MED12L: variants seen among roughly 807,000 people sequenced by gnomAD.
MED12L encodes the protein mediator complex subunit 12L.
A neutral mutation model predicts 281.3 loss-of-function variants in MED12L; 60 were observed. That is an observed-to-expected ratio of 0.21 (90% confidence interval 0.17 to 0.26). The LOEUF (loss-of-function observed/expected upper bound fraction) is 0.26. MED12L is among the 10% of genes least tolerant of loss of function. MED12L has a pLI of 1.00. For missense variants in MED12L, 2,146 were observed against 2,680.9 expected, an observed-to-expected ratio of 0.80 and a Z score of 4.41; for synonymous variants, 974 against 987.2, an observed-to-expected ratio of 0.99 and a Z score of 0.25.
intron 42 of MED12L, 96 bp from the exon 43 acceptor site, chr3:151,416,216 C>T: frequency 6.3e-7 from 1 of 1,597,854 alleles, no homozygotes; most frequent in Non-Finnish European, 8.6e-7. Context: ...TTTACTACAA[C>T]ATAAAAATTA....
chr3:151,104,281 C>T (rs970235), intron 2 of MED12L, among the ~76,000 whole-genome samples: 66,765 of 152,010 alleles, frequency 0.44, 16,836 homozygotes, highest in African/African-American at 0.71. Context: ...GAAGTCCTGC[C>T]TTTCCTAAGT....
chr3:151,294,995 A>G, intron 16 of MED12L: 1 of 1,613,616 alleles, frequency 6.2e-7, no homozygotes, highest in Non-Finnish European at 8.5e-7. Flanking sequence ...GTCTGCAACC[A>G]CTATGTTTTT....
intron 16 of MED12L, among the ~76,000 whole-genome samples, chr3:151,311,895 G>T (rs113238202): frequency 6.6e-6 from 1 of 152,094 alleles, no homozygotes. Context: ...TGTGGTGGCA[G>T]GCACTTGTAT....
intron 8 of MED12L, among the ~76,000 whole-genome samples, chr3:151,162,291 C>T (rs2148964019): frequency 6.6e-6 from 1 of 152,172 alleles, no homozygotes; most frequent in South Asian, 2.1e-4. Flanking sequence ...GGGATGTAGC[C>T]CAGTGGAAAG....
chr3:151,107,831 T>C (rs775553806), intron 2 of MED12L, among the ~76,000 whole-genome samples: 10 of 152,126 alleles, frequency 6.6e-5, no homozygotes, highest in Non-Finnish European at 1.3e-4. Flanking sequence ...GATACAGAGA[T>C]CAGTTATCTT....
intron 16 of MED12L, among the ~76,000 whole-genome samples, chr3:151,313,853 G>A (rs2149790458): frequency 6.6e-6 from 1 of 152,176 alleles, no homozygotes; most frequent in Non-Finnish European, 1.5e-5. Flanking sequence ...GAACGCAGGA[G>A]GCAGAGGTTG....
intron 5 of MED12L, among the ~76,000 whole-genome samples, chr3:151,129,606 A>G (rs1715064370): frequency 6.6e-6 from 1 of 152,148 alleles, no homozygotes; most frequent in Non-Finnish European, 1.5e-5. Context: ...TAGATACAAC[A>G]TGATGTTCAG....
rs762797982 is a variant in MED12L, at chr3:151,369,515, C to A, written c.3630C>A (p.Ala1210=). ...CTCACAACAGCATTGAAGTGGGAGC[C>A]GTGTTTGCTGTCTTAAAAGCAATTA... is the stretch of plus-strand genomic sequence containing the variant. ...AAAHNSIEVG[A]VFAVLKAIMM... Residue 1210 remains alanine, a synonymous_variant, in exon 26 of 45, where the codon GCC becomes GCA. Coordinates refer to ENST00000687756, the MANE Select transcript of MED12L (RefSeq NM_001393769.1). The A allele has an allele frequency of 4.3e-6, 7 of 1,610,912 alleles. No individual in the cohort carries two copies. The African/African-American group carries it at 9.4e-5, about 22-fold the overall frequency.
chr3:151,242,160 C>T (rs1734269688), intron 16 of MED12L, among the ~76,000 whole-genome samples: 1 of 152,204 alleles, frequency 6.6e-6, no homozygotes, highest in Admixed American at 6.5e-5. Context: ...GCACAGCAGT[C>T]TGAGATCAAA....
chr3:151,129,992 T>C (rs962365719), intron 5 of MED12L, among the ~76,000 whole-genome samples: 1 of 152,036 alleles, frequency 6.6e-6, no homozygotes, highest in Non-Finnish European at 1.5e-5. Flanking sequence ...TTTTTTGGAA[T>C]GCCTGGGCTC....
chr3:151,358,521 C>CATT (rs1162557095), intron 20 of MED12L, among the ~76,000 whole-genome samples: 5 of 151,984 alleles, frequency 3.3e-5, no homozygotes, highest in African/African-American at 9.7e-5. Context: ...TATTGAAACC[C>CATT]ATTAGTTGGT....
chr3:151,342,040 G>T (rs1028223809), intron 16 of MED12L, among the ~76,000 whole-genome samples: 1 of 152,096 alleles, frequency 6.6e-6, no homozygotes, highest in African/African-American at 2.4e-5. Flanking sequence ...ATAAACATAC[G>T]TGTGCATGTG....
intron 44 of MED12L, 95 bp from the exon 45 acceptor site, chr3:151,432,657 T>C (rs1422592991): frequency 3.4e-6 from 3 of 886,758 alleles, no homozygotes; most frequent in East Asian, 5.3e-5. Flanking sequence ...TCCCTGTACC[T>C]GCAGCTGGTA....
intron 16 of MED12L, among the ~76,000 whole-genome samples, chr3:151,243,702 C>T (rs1329519058): frequency 7.2e-5 from 11 of 151,884 alleles, no homozygotes; most frequent in Non-Finnish European, 1.6e-4. Flanking sequence ...GAAGAAACTG[C>T]ATCAACTAAC....
intron 16 of MED12L, among the ~76,000 whole-genome samples, chr3:151,206,076 T>A (rs1373377005): frequency 6.8e-5 from 9 of 132,740 alleles, no homozygotes; most frequent in South Asian, 2.2e-4. Context: ...AAATAATTTT[T>A]TTTTTTTTTT....
intron 24 of MED12L, 80 bp downstream of exon 24, chr3:151,367,846 A>G (rs1327337720): frequency 6.7e-7 from 1 of 1,485,792 alleles, no homozygotes; most frequent in Admixed American, 2.0e-5. Context: ...AACACAGGGA[A>G]AGGAGTATTT....
At chr3:151,185,523 G>A in intron 12 of MED12L, 62 bp downstream of exon 12, 1 of 1,568,556 alleles carries the variant, frequency 6.4e-7, no homozygotes, top group Non-Finnish European at 8.7e-7. Flanking sequence ...TTTTGGGGAA[G>A]ATCATTTTCT....
intron 2 of MED12L, among the ~76,000 whole-genome samples, chr3:151,093,050 G>A (rs1195498006): frequency 6.6e-6 from 1 of 152,192 alleles, no homozygotes; most frequent in Non-Finnish European, 1.5e-5. Flanking sequence ...GTTAAAAATG[G>A]ACATATATAC....
At chr3:151,388,497 C>G (rs1713771381) in intron 37 of MED12L, among the ~76,000 whole-genome samples, 1 of 152,176 alleles carries the variant, frequency 6.6e-6, no homozygotes, top group Non-Finnish European at 1.5e-5. Flanking sequence ...ATCCCATTCT[C>G]TCACATATTT....
Sources: gnomAD v4.1 joint callset for allele counts (sites outside exome capture counted in the v4.1 genomes callset) on GRCh38, gnomAD v4.1.1 for gene constraint, MANE v1.5 for transcripts, NCBI Gene and HGNC (gene_info 2026-07-23, HGNC 2026-07-21) for gene names.